CTNNA3: variants seen among roughly 807,000 people sequenced by gnomAD.
CTNNA3 encodes catenin alpha 3.
A neutral mutation model predicts 95.7 loss-of-function variants in CTNNA3; 76 were observed. The ratio of observed to expected loss-of-function variants is 0.79; its 90% CI spans 0.66 to 0.96. The LOEUF is 0.96. Among genes scored for constraint, CTNNA3 ranks in the 40% least tolerant of loss-of-function variants. The pLI, the probability that CTNNA3 is intolerant of heterozygous loss-of-function variation, is 0.00. For synonymous variants in CTNNA3, 431 were observed against 374.4 expected (o/e 1.15, Z -1.74); for missense variants, 1,191 against 1,089.8 (o/e 1.09, Z -1.31).
intron 2 of CTNNA3, among the ~76,000 whole-genome samples, chr10:67,616,882 G>GA (rs1209119041): frequency 6.6e-6 from 1 of 152,124 alleles, no homozygotes; most frequent in Non-Finnish European, 1.5e-5. Flanking sequence ...GACGTTTGGG[G>GA]AAAAATTTTT....
intron 12 of CTNNA3, among the ~76,000 whole-genome samples, chr10:66,297,126 G>T (rs565056682): frequency 2.8e-4 from 43 of 152,204 alleles, no homozygotes; most frequent in African/African-American, 1.0e-3. Flanking sequence ...GTTTATGTGT[G>T]AACTTACACT....
At chr10:66,861,988 G>C (rs574773411) in intron 7 of CTNNA3, among the ~76,000 whole-genome samples, 1 of 152,304 alleles carries the variant, frequency 6.6e-6, no homozygotes, top group African/African-American at 2.4e-5. Flanking sequence ...GCCAAGGAAG[G>C]CTTATGACCT....
intron 12 of CTNNA3, among the ~76,000 whole-genome samples, chr10:66,292,035 T>A (rs2091690817): frequency 1.3e-5 from 2 of 151,554 alleles, no homozygotes; most frequent in South Asian, 4.2e-4. Context: ...CACACATGTA[T>A]ACACACACCA....
chr10:66,792,037 A>G (rs1431414778), intron 7 of CTNNA3, among the ~76,000 whole-genome samples: 5 of 152,246 alleles, frequency 3.3e-5, no homozygotes, highest in African/African-American at 1.2e-4. Context: ...ATTATAAGTC[A>G]TGATGACACA....
chr10:66,242,946 T>C (rs1259725639), intron 13 of CTNNA3, among the ~76,000 whole-genome samples: 1 of 152,150 alleles, frequency 6.6e-6, no homozygotes. Context: ...CAGTGTAAAC[T>C]TAAAATAAAA....
rs181842613 is a variant in CTNNA3, at chr10:67,539,795, A to T, written c.293-126T>A. On this transcript the variant is annotated intron_variant, in intron 3 of 17. Coordinates refer to ENST00000433211, the MANE Select transcript of CTNNA3 (RefSeq NM_013266.4). The stretch of plus-strand genomic sequence containing the variant: ...CATAATATAAAAATATTGTCAGTTG[A>T]CAATTTTCTCTCTCAATAAACAATG... 1.1e-5 allele frequency: 9 copies of T among 804,058 alleles called. No homozygotes were observed. In the African/African-American group the frequency reaches 1.4e-4, roughly 12 times the overall value. The allele number at this position is 804,058 out of a possible 1,614,324, so 49.8% of individuals were successfully genotyped here.
intron 5 of CTNNA3, among the ~76,000 whole-genome samples, chr10:67,243,702 C>A (rs1384631589): frequency 5.3e-5 from 8 of 152,176 alleles, no homozygotes; most frequent in Admixed American, 5.2e-4. Flanking sequence ...GGTGCCTTTG[C>A]ATGAGCTATG....
In CTNNA3 at chr10:65,912,615, G is replaced by T. The variant is rs1236671961; in HGVS notation, c.*7715C>A. ...AATGAGCTACAGAGTGACATGAGTT[G>T]AAATTAGAATAAAGTAAAATAATAC... On this transcript the variant is annotated 3_prime_UTR_variant, in exon 18 of 18. Coordinates refer to ENST00000433211, the MANE Select transcript of CTNNA3 (RefSeq NM_013266.4). The T allele has an allele frequency of 1.3e-5, 2 of 152,118 alleles. No homozygotes were observed. Among genetic ancestry groups the T allele is most frequent in the South Asian group, 2.1e-4 (1 of 4,818 alleles). 9.4% of individuals were successfully genotyped at this position (152,118 alleles called of 1,614,324 possible).
At chr10:67,508,281 G>C (rs1016117423) in intron 5 of CTNNA3, among the ~76,000 whole-genome samples, 1 of 151,922 alleles carries the variant, frequency 6.6e-6, no homozygotes, top group Admixed American at 6.6e-5. Context: ...CAAAGTGCTG[G>C]GATTACAGGT....
At chr10:67,606,179 A>G (rs1843266396) in intron 3 of CTNNA3, among the ~76,000 whole-genome samples, 1 of 152,226 alleles carries the variant, frequency 6.6e-6, no homozygotes, top group Non-Finnish European at 1.5e-5. Flanking sequence ...CCCAAAATAG[A>G]TACTTGCAGA....
At chr10:66,376,956 T>C (rs1483952664) in intron 12 of CTNNA3, among the ~76,000 whole-genome samples, 1 of 152,166 alleles carries the variant, frequency 6.6e-6, no homozygotes, top group Non-Finnish European at 1.5e-5. Flanking sequence ...GTATCTTTCA[T>C]AGACAATGTC....
chr10:67,676,555 C>T (rs144036447), intron 1 of CTNNA3, among the ~76,000 whole-genome samples: 1 of 152,262 alleles, frequency 6.6e-6, no homozygotes, highest in Non-Finnish European at 1.5e-5. Context: ...TGTTCAAAAA[C>T]TCTGGGGGCA....
chr10:67,746,662 C>T (rs535115675), intron 1 of CTNNA3, among the ~76,000 whole-genome samples: 65 of 152,274 alleles, frequency 4.3e-4, no homozygotes, highest in South Asian at 1.5e-3. Flanking sequence ...TGGGAAACCA[C>T]GCTTTTTCCA....
At chr10:66,587,061 G>A (rs2132217108) in intron 10 of CTNNA3, among the ~76,000 whole-genome samples, 1 of 152,244 alleles carries the variant, frequency 6.6e-6, no homozygotes, top group East Asian at 1.9e-4. Context: ...CCAGGTGCCA[G>A]CATTACCTCT....
At chr10:66,392,076 A>G (rs1256028148) in intron 11 of CTNNA3, among the ~76,000 whole-genome samples, 1 of 152,118 alleles carries the variant, frequency 6.6e-6, no homozygotes, top group Non-Finnish European at 1.5e-5. Flanking sequence ...TTTTTACAAA[A>G]AAATGAATAC....
At chr10:67,250,618 A>G (rs1866071986) in intron 5 of CTNNA3, among the ~76,000 whole-genome samples, 1 of 152,192 alleles carries the variant, frequency 6.6e-6, no homozygotes, top group African/African-American at 2.4e-5. Flanking sequence ...TCATGTATAC[A>G]GAGGGATGCC....
chr10:66,764,349 G>A (rs1426439584), intron 9 of CTNNA3, among the ~76,000 whole-genome samples: 1 of 152,178 alleles, frequency 6.6e-6, no homozygotes, highest in African/African-American at 2.4e-5. Context: ...ATTCCCAAGT[G>A]TTCCTCGAAG....
intron 13 of CTNNA3, among the ~76,000 whole-genome samples, chr10:66,116,160 A>AT (rs999310403): frequency 2.0e-5 from 3 of 152,234 alleles, no homozygotes; most frequent in Non-Finnish European, 2.9e-5. Flanking sequence ...TGAATACATC[A>AT]TTGTATAAGA....
intron 11 of CTNNA3, among the ~76,000 whole-genome samples, chr10:66,468,409 A>G (rs533286457): frequency 6.6e-6 from 1 of 152,106 alleles, no homozygotes; most frequent in South Asian, 2.1e-4. Flanking sequence ...TGTTATTTAG[A>G]CAGATTTTTT....
Sources: gnomAD v4.1 joint callset for allele counts (sites outside exome capture counted in the v4.1 genomes callset) on GRCh38, gnomAD v4.1.1 for gene constraint, MANE v1.5 for transcripts, NCBI Gene and HGNC (gene_info 2026-07-23, HGNC 2026-07-21) for gene names.